Variants in NMNAT1 observed in about 807,000 individuals in gnomAD.
NMNAT1 encodes nicotinamide nucleotide adenylyltransferase 1.
A neutral mutation model predicts 16.7 loss-of-function variants in NMNAT1; 11 were observed. That is an observed-to-expected ratio of 0.66 (90% CI 0.41 to 1.09). NMNAT1 has a LOEUF of 1.09. Among genes scored for constraint, NMNAT1 ranks in the 50% least tolerant of loss-of-function variants. NMNAT1 has a pLI of 0.00. For synonymous variants in NMNAT1, 110 were observed against 119.8 expected (o/e 0.92, Z 0.53); for missense variants, 280 against 332.3 (o/e 0.84, Z 1.22).
chr1:9,964,839 T>G (rs1037271592), intron 1 of NMNAT1, among the ~76,000 whole-genome samples: 6 of 145,094 alleles, frequency 4.1e-5, no homozygotes, highest in South Asian at 2.2e-4. Context: ...TCCCAGCTAC[T>G]CGGGAGGCTG....
chr1:9,955,391 G>A (rs1420872503), intron 1 of NMNAT1, among the ~76,000 whole-genome samples: 2 of 116,714 alleles, frequency 1.7e-5, no homozygotes, highest in African/African-American at 2.9e-5. Flanking sequence ...GGACAAGAGC[G>A]AGACTTTGTC....
chr1:9,987,054 C>T (rs922818724), downstream of NMNAT1, among the ~76,000 whole-genome samples: 40 of 151,776 alleles, frequency 2.6e-4, no homozygotes, highest in African/African-American at 5.8e-4. Context: ...AAAAATTATA[C>T]GGGCGTGGTG....
chr1:9,975,696 A>G lies in NMNAT1; in HGVS notation c.220A>G (p.Thr74Ala). The stretch of plus-strand genomic sequence containing the variant: ...CCGGGTCATCATGGCAGAACTTGCT[A>G]CCAAGAATTCTAAATGGGTGGAAGT... The part of the protein sequence containing the change: ...YHRVIMAELA[T>A]KNSKWVEVDT... The change falls in exon 3 of 5, where the codon ACC (threonine) becomes GCC (alanine). Residue 74 changes from threonine (T) to alanine (A), a missense_variant. Thr to Ala is a moderately conservative substitution (Grantham distance 58). Coordinates refer to ENST00000377205, the MANE Select transcript of NMNAT1 (RefSeq NM_022787.4). 1 of 1,614,120 alleles carries G rather than the reference A, an allele frequency of 6.2e-7. No homozygotes were observed. The highest frequency in any genetic ancestry group is 8.5e-7 in the Non-Finnish European group (1 of 1,179,972).
At chr1:9,961,062 T>G (rs1641392452) in intron 1 of NMNAT1, among the ~76,000 whole-genome samples, 1 of 152,178 alleles carries the variant, frequency 6.6e-6, no homozygotes, top group Non-Finnish European at 1.5e-5. Context: ...CGAGTTGGCT[T>G]TGTTAACAGT....
chr1:9,951,104 A>G (rs887064745), intron 1 of NMNAT1: 1 of 151,710 alleles, frequency 6.6e-6, no homozygotes, highest in African/African-American at 2.4e-5. Context: ...AAAAAAAAAA[A>G]GAGGAACTAG....
intron 3 of NMNAT1, among the ~76,000 whole-genome samples, chr1:9,977,158 C>T (rs762905222): frequency 2.6e-5 from 4 of 152,144 alleles, no homozygotes; most frequent in Admixed American, 6.6e-5. Flanking sequence ...CTGCCCATCT[C>T]GGGCCTCCCA....
At chr1:9,974,620 C>A (rs899691333) in intron 2 of NMNAT1, among the ~76,000 whole-genome samples, 7 of 152,006 alleles carry the variant, frequency 4.6e-5, no homozygotes, top group Admixed American at 6.6e-5. Context: ...GATCTCCTGA[C>A]CTCGTGATCC....
intron 3 of NMNAT1, among the ~76,000 whole-genome samples, chr1:9,980,691 CTG>C (rs748217370): frequency 3.0e-4 from 45 of 151,542 alleles, no homozygotes; most frequent in South Asian, 4.2e-4. Flanking sequence ...GAGTCTCACT[CTG>C]TCGCCCAGGT....
intron 1 of NMNAT1, chr1:9,952,253 G>A (rs115796615): frequency 0.018 from 2,679 of 152,260 alleles, 35 homozygotes; most frequent in Non-Finnish European, 0.027. Context: ...AGTAAGCACA[G>A]ATTGCGCCAC....
chr1:9,974,027 G>A (rs1490326378), intron 2 of NMNAT1, among the ~76,000 whole-genome samples: 1 of 151,940 alleles, frequency 6.6e-6, no homozygotes, highest in African/African-American at 2.4e-5. Flanking sequence ...TAGTAGAAAT[G>A]GGGTTTCACC....
chr1:9,946,873 A>G (rs909363129), intron 1 of NMNAT1, among the ~76,000 whole-genome samples: 1 of 152,184 alleles, frequency 6.6e-6, no homozygotes, highest in African/African-American at 2.4e-5. Flanking sequence ...AGCTGCCACC[A>G]GAGACCAAAT....
intron 2 of NMNAT1, among the ~76,000 whole-genome samples, chr1:9,973,994 T>C (rs1004163345): frequency 1.3e-4 from 20 of 151,828 alleles, no homozygotes; most frequent in Admixed American, 3.3e-4. Context: ...CACAGCACCA[T>C]GCCCGGCCCA....
chr1:9,953,779 C>T (rs1641177054), intron 1 of NMNAT1, among the ~76,000 whole-genome samples: 1 of 131,650 alleles, frequency 7.6e-6, no homozygotes, highest in South Asian at 2.5e-4. Context: ...ATAGTTTTTG[C>T]TGAAATCATA....
Position 9,959,443 on chromosome 1 carries a change from G to A in NMNAT1, c.-56-12575G>A, listed in dbSNP as rs184649995. 3.7e-3 allele frequency among the ~76,000 whole-genome samples: 555 copies of A among 148,272 alleles called. 4 individuals carry two copies. Among genetic ancestry groups the A allele is most frequent in the Non-Finnish European group, 5.6e-3 (380 of 67,610 alleles). On this transcript the variant is annotated intron_variant, in intron 1 of 4. Transcript: ENST00000377205. ...CACGCCTATAATCCTAGCACTTTGGGAGGCCAAAGTAGGCAGATCATGAGG... is the reference window on the plus strand; with the variant it reads ...CACGCCTATAATCCTAGCACTTTGGAAGGCCAAAGTAGGCAGATCATGAGG...
At chr1:9,992,623 C>G in the NMNAT1 span, among the ~76,000 whole-genome samples, 1 of 151,982 alleles carries the variant, frequency 6.6e-6, no homozygotes, top group Non-Finnish European at 1.5e-5. Flanking sequence ...AAAGACTGTA[C>G]CCCTATGGCC....
the NMNAT1 span, among the ~76,000 whole-genome samples, chr1:9,992,391 AT>A: frequency 1.3e-5 from 2 of 151,920 alleles, no homozygotes; most frequent in African/African-American, 4.8e-5. Context: ...TAGGATTATA[AT>A]TTTTTTATAG....
chr1:9,980,437 G>A (rs1263489897), intron 3 of NMNAT1, among the ~76,000 whole-genome samples: 1 of 127,498 alleles, frequency 7.8e-6, no homozygotes, highest in Non-Finnish European at 1.7e-5. Flanking sequence ...TGGCCAACAT[G>A]ATGAAACCCC....
At chr1:9,959,297 G>A (rs574657023) in intron 1 of NMNAT1, among the ~76,000 whole-genome samples, 24 of 147,006 alleles carry the variant, frequency 1.6e-4, no homozygotes, top group Non-Finnish European at 2.4e-4. Context: ...GCTTGAACCC[G>A]GGAGGCAGAG....
At chr1:9,967,575 A>G (rs548343888) in intron 1 of NMNAT1, 34 of 152,258 alleles carry the variant, frequency 2.2e-4, no homozygotes, top group African/African-American at 7.9e-4. Context: ...GGATAAGAGG[A>G]GGAGAGTTCC....
Sources: gnomAD v4.1 joint callset for allele counts (sites outside exome capture counted in the v4.1 genomes callset) on GRCh38, gnomAD v4.1.1 for gene constraint, MANE v1.5 for transcripts, NCBI Gene and HGNC (gene_info 2026-07-23, HGNC 2026-07-21) for gene names.